The following BCAS3 variants were observed in gnomAD, a reference collection of about 807,000 sequenced individuals.
BCAS3 encodes BCAS4/BCAS3 fusion.
In BCAS3, 53 loss-of-function variants were observed where a neutral mutation model predicts 116.1. The ratio of observed to expected loss-of-function variants is 0.46; its 90% CI spans 0.37 to 0.57. The LOEUF (loss-of-function observed/expected upper bound fraction) is 0.57. Ranked by LOEUF, BCAS3 falls within the 20% of genes least tolerant of loss-of-function variation. The pLI, the probability that BCAS3 is intolerant of heterozygous loss-of-function variation, is 0.00. For missense variants in BCAS3, 917 were observed against 1,165.4 expected, an observed-to-expected ratio of 0.79 and a Z score of 3.10; for synonymous variants, 391 against 408.2, an observed-to-expected ratio of 0.96 and a Z score of 0.51.
intron 7 of BCAS3, chr17:60,851,417 C>T (rs2053146420): frequency 7.2e-6 from 3 of 414,388 alleles, no homozygotes; most frequent in South Asian, 3.9e-5. Context: ...CCGAAGGGGC[C>T]GCCAAGGAAG....
chr17:61,183,858 T>A (rs1383580320), intron 22 of BCAS3, among the ~76,000 whole-genome samples: 1 of 152,184 alleles, frequency 6.6e-6, no homozygotes, highest in Non-Finnish European at 1.5e-5. Flanking sequence ...GTCAGGAAAA[T>A]GTTATGCCCT....
At chr17:60,685,827 AG>A (rs1455214046) in intron 3 of BCAS3, among the ~76,000 whole-genome samples, 7 of 151,968 alleles carry the variant, frequency 4.6e-5, no homozygotes, top group Non-Finnish European at 8.8e-5. Flanking sequence ...TACTGACCAT[AG>A]GTTGCTTAGG....
chr17:60,842,498 AT>A (rs907182402), intron 7 of BCAS3, among the ~76,000 whole-genome samples: 79 of 149,282 alleles, frequency 5.3e-4, no homozygotes, highest in Middle Eastern at 3.5e-3. Context: ...TACTAGAACA[AT>A]TTTTTTTTTC....
At chr17:60,728,621 AG>A (rs2040148485) in intron 5 of BCAS3, among the ~76,000 whole-genome samples, 1 of 152,032 alleles carries the variant, frequency 6.6e-6, no homozygotes, top group African/African-American at 2.4e-5. Context: ...CTGGGATTAC[AG>A]GTGCCCGCCG....
At chr17:60,758,798 T>C (rs73334352) in intron 6 of BCAS3, among the ~76,000 whole-genome samples, 6,649 of 152,290 alleles carry the variant, frequency 0.044, 534 homozygotes, top group African/African-American at 0.15. Flanking sequence ...GTATCCCATA[T>C]GGTTTTGGTA....
chr17:60,740,523 G>GA (rs938048685), intron 5 of BCAS3, among the ~76,000 whole-genome samples: 174 of 148,540 alleles, frequency 1.2e-3, no homozygotes, highest in African/African-American at 4.2e-3. Context: ...AAAGAAAAAA[G>GA]AAAAAAAAGG....
chr17:61,264,426 A>G (rs1218552854), intron 22 of BCAS3, among the ~76,000 whole-genome samples: 1 of 136,186 alleles, frequency 7.3e-6, no homozygotes, highest in Admixed American at 7.6e-5. Context: ...TTTTTTTTTT[A>G]GAGAGAGAGT....
chr17:61,263,871 C>T lies in BCAS3; in HGVS notation c.2426-104456C>T, dbSNP rs566667701. On this transcript the variant is annotated intron_variant, in intron 22 of 23. Transcript: ENST00000407086. The stretch of plus-strand genomic sequence containing the variant: ...ATGGACTGTTCAGTAAATTGTGCTG[C>T]GACAAATGATTATCCACATAGGAAA... Among the ~76,000 whole-genome samples the T allele has an allele frequency of 5.3e-5, 8 of 152,172 alleles. No homozygotes were observed. In the East Asian group the frequency reaches 5.8e-4, roughly 11 times the overall value.
At chr17:60,692,026 G>C (rs1445797152) in intron 4 of BCAS3, among the ~76,000 whole-genome samples, 1 of 150,896 alleles carries the variant, frequency 6.6e-6, no homozygotes, top group Non-Finnish European at 1.5e-5. Context: ...CTCCAGCTTG[G>C]GGGCAACAAG....
At chr17:61,305,403 A>G (rs1459799622) in intron 22 of BCAS3, among the ~76,000 whole-genome samples, 1 of 152,204 alleles carries the variant, frequency 6.6e-6, no homozygotes, top group African/African-American at 2.4e-5. Context: ...TAGAAAGAGC[A>G]TGGCCTTTGA....
intron 19 of BCAS3, among the ~76,000 whole-genome samples, chr17:61,069,373 A>G (rs570454922): frequency 6.6e-6 from 1 of 152,366 alleles, no homozygotes; most frequent in South Asian, 2.1e-4. Context: ...AAGAAGAAAC[A>G]AAGAAGAACC....
rs1168455370 is a variant in BCAS3, at chr17:61,181,043, A to G, written c.2425+96479A>G. Among the ~76,000 whole-genome samples the G allele has an allele frequency of 1.3e-5, 2 of 151,938 alleles. No individual in the cohort carries two copies. The highest frequency in any genetic ancestry group is 3.9e-4 in the East Asian group (2 of 5,180). ...GACCAGCCTGGGCAACAAAGTGAGA[A>G]CCTGTCTCTGCAAAAAATTAAAATA... On this transcript the variant is annotated intron_variant, in intron 22 of 23. Transcript: ENST00000407086. This position sits in a 1 kb window ranked among gnomAD's most constrained non-coding sequence, Gnocchi z 5.0.
At chr17:61,166,975 G>A (rs1182887210) in intron 22 of BCAS3, among the ~76,000 whole-genome samples, 1 of 152,126 alleles carries the variant, frequency 6.6e-6, no homozygotes, top group Non-Finnish European at 1.5e-5. Flanking sequence ...TCCAACTCCT[G>A]GGCTCAAGCG....
At chr17:60,851,399 C>T (rs1361077883) in intron 7 of BCAS3, 2 of 399,216 alleles carry the variant, frequency 5.0e-6, no homozygotes. Context: ...AGAGGAAGGT[C>T]AGCTCCACCG....
At chr17:61,218,283 T>C (rs534585493) in intron 22 of BCAS3, among the ~76,000 whole-genome samples, 1 of 152,298 alleles carries the variant, frequency 6.6e-6, no homozygotes, top group African/African-American at 2.4e-5. Context: ...GTAATGCCCC[T>C]TTTCCTAGCC....
chr17:60,736,860 T>A (rs550309800), intron 5 of BCAS3, among the ~76,000 whole-genome samples: 35 of 152,094 alleles, frequency 2.3e-4, no homozygotes, highest in African/African-American at 7.7e-4. Context: ...GGATCTTTAG[T>A]GATCTCCCCT....
intron 22 of BCAS3, among the ~76,000 whole-genome samples, chr17:61,312,710 G>A (rs1050540674): frequency 6.6e-6 from 1 of 152,156 alleles, no homozygotes; most frequent in African/African-American, 2.4e-5. Context: ...CTCCTTGGAA[G>A]ACCCTAAAGG....
intron 5 of BCAS3, among the ~76,000 whole-genome samples, chr17:60,729,434 G>A (rs1482311086): frequency 7.0e-6 from 1 of 142,034 alleles, no homozygotes; most frequent in Non-Finnish European, 1.5e-5. Flanking sequence ...AATTGCCCAA[G>A]GTTTTCCAAA....
intron 7 of BCAS3, among the ~76,000 whole-genome samples, chr17:60,831,288 T>C (rs985442107): frequency 1.3e-5 from 2 of 152,172 alleles, no homozygotes; most frequent in African/African-American, 4.8e-5. Flanking sequence ...GTGATTCTTC[T>C]GCCTCAGCCT....
Sources: allele counts gnomAD v4.1 joint callset (sites outside exome capture counted in the v4.1 genomes callset), GRCh38; gene constraint gnomAD v4.1.1; non-coding constraint Gnocchi (gnomAD v3.1); transcripts MANE v1.5; gene names NCBI Gene and HGNC (gene_info 2026-07-23, HGNC 2026-07-21).